CTCFL: variants seen among roughly 807,000 people sequenced by gnomAD.
CTCFL encodes the protein transcriptional repressor CTCFL.
In CTCFL, 36 loss-of-function variants were observed where a neutral mutation model predicts 67.4. The observed-to-expected ratio is 0.53, with a 90% CI of 0.41 to 0.71. The LOEUF is 0.71. Among genes scored for constraint, CTCFL ranks in the 30% least tolerant of loss-of-function variants. The probability of loss-of-function intolerance (pLI) is 0.00; values close to 1 mark genes in which losing one functional copy is unlikely to be tolerated. For synonymous variants in CTCFL, 324 were observed against 302.3 expected, an observed-to-expected ratio of 1.07 and a Z score of -0.75; for missense variants, 786 against 835.2, an observed-to-expected ratio of 0.94 and a Z score of 0.73.
At chr20:57,511,588 TCC>T (rs372278057) in intron 8 of CTCFL, among the ~76,000 whole-genome samples, 1 of 146,098 alleles carries the variant, frequency 6.8e-6, no homozygotes, top group Non-Finnish European at 1.5e-5. Context: ...ATCACTCTAA[TCC>T]CCCCCCTTTT....
chr20:57,507,490 A>G, intron 9 of CTCFL: 1 of 679,222 alleles, frequency 1.5e-6, no homozygotes, highest in Non-Finnish European at 2.7e-6. Flanking sequence ...GAGCCCCCAC[A>G]GCTGGCTGTT....
chr20:57,524,823 C>A, intron 1 of CTCFL: 1 of 906,114 alleles, frequency 1.1e-6, no homozygotes, highest in South Asian at 5.1e-5. Flanking sequence ...TCGGCCAGAC[C>A]AAGCACACTC....
intron 8 of CTCFL, among the ~76,000 whole-genome samples, chr20:57,511,480 T>C (rs2068549163): frequency 6.6e-6 from 1 of 152,202 alleles, no homozygotes; most frequent in Admixed American, 6.5e-5. Flanking sequence ...TGTAACATCA[T>C]GGATTGGTCA....
At position 57,498,387 on chromosome 20, in the gene CTCFL, G is replaced by T. The variant is rs2067758666; in HGVS notation, c.*163C>A. On this transcript the variant is annotated 3_prime_UTR_variant, in exon 11 of 11. Coordinates refer to ENST00000243914, the MANE Select transcript of CTCFL (RefSeq NM_001386993.1). ...TGAACTTAATTGTTTCAAAGAAAATGCTAAAAATTTCTAACTTGCTTTAGG... is the reference window on the plus strand; with the variant it reads ...TGAACTTAATTGTTTCAAAGAAAATTCTAAAAATTTCTAACTTGCTTTAGG... 2.8e-6 allele frequency: 4 copies of T among 1,408,302 alleles called. 1 individual carries two copies. The highest frequency in any genetic ancestry group is 3.7e-6 in the Non-Finnish European group (4 of 1,077,020). 87.2% of individuals were successfully genotyped at this position (1,408,302 alleles called of 1,614,324 possible).
intron 10 of CTCFL, chr20:57,499,740 G>T: frequency 5.6e-6 from 1 of 178,322 alleles, no homozygotes; most frequent in Non-Finnish European, 1.1e-5. Flanking sequence ...CTCGTAAGGA[G>T]TGTGCAGCCT....
intron 5 of CTCFL, 62 bp downstream of exon 5, chr20:57,518,696 G>A (rs1169825641): frequency 3.1e-6 from 5 of 1,613,556 alleles, no homozygotes; most frequent in East Asian, 2.2e-5. Flanking sequence ...TACACTTGGA[G>A]TAACTTGTAC....
chr20:57,514,689 C>A lies in CTCFL; in HGVS notation c.1233G>T (p.Gly411=), dbSNP rs1451461007. Residue 411 remains glycine, a synonymous_variant, in exon 7 of 11, where the codon GGG becomes GGT. Coordinates refer to ENST00000243914, the MANE Select transcript of CTCFL (RefSeq NM_001386993.1). The stretch of plus-strand genomic sequence containing the variant: ...TCTGCAGAATATGTATTTTCATGGT[C>A]CCGCTCTGGGTGAAGCGGGTGTGGC... ...HICHTRFTQS[G]TMKIHILQKH... is the part of the protein sequence containing the mutation. 6.2e-7 allele frequency: 1 copy of A among 1,614,044 alleles called. No individual in the cohort carries two copies. The highest frequency in any genetic ancestry group is 8.5e-7 in the Non-Finnish European group (1 of 1,180,036).
chr20:57,504,147 T>C (rs2068063251), intron 9 of CTCFL, among the ~76,000 whole-genome samples: 2 of 151,740 alleles, frequency 1.3e-5, no homozygotes, highest in Admixed American at 1.3e-4. Flanking sequence ...CGGCTGATTT[T>C]TTATATTTTT....
intron 4 of CTCFL, 143 bp from the exon 5 acceptor site, chr20:57,519,034 G>C (rs1323293468): frequency 4.2e-6 from 5 of 1,177,710 alleles, no homozygotes; most frequent in Non-Finnish European, 5.9e-6. Context: ...TACCACAGAT[G>C]CATGTGAGAA....
chr20:57,514,570 G>C (rs1408341569), intron 7 of CTCFL, 22 bp downstream of exon 7: 3 of 1,613,052 alleles, frequency 1.9e-6, no homozygotes. Flanking sequence ...TGTAGTAAAA[G>C]AAAGATCGCT....
At chr20:57,514,009 C>T (rs779853813) in intron 7 of CTCFL, 9 of 715,928 alleles carry the variant, frequency 1.3e-5, no homozygotes, top group Non-Finnish European at 1.8e-5. Context: ...TGGATTCCCT[C>T]TCCCACTCTG....
chr20:57,522,721 GC>G (rs1317884526), intron 3 of CTCFL, among the ~76,000 whole-genome samples: 3 of 152,050 alleles, frequency 2.0e-5, no homozygotes, highest in Admixed American at 2.0e-4. Context: ...CCTTCTCTTG[GC>G]CCTGAAGCAC....
chr20:57,519,018 T>C, intron 4 of CTCFL, 127 bp from the exon 5 acceptor site: 1 of 1,236,128 alleles, frequency 8.1e-7, no homozygotes, highest in Non-Finnish European at 1.1e-6. Context: ...CTCCTTAAAC[T>C]ATAAATACCA....
intron 10 of CTCFL, among the ~76,000 whole-genome samples, chr20:57,502,319 C>A (rs1047235237): frequency 6.6e-6 from 1 of 152,224 alleles, no homozygotes; most frequent in African/African-American, 2.4e-5. Context: ...GCAGGATGCC[C>A]GCTTCTACCC....
intron 8 of CTCFL, 33 bp from the exon 9 acceptor site, chr20:57,508,821 A>C: frequency 6.3e-7 from 1 of 1,597,810 alleles, no homozygotes; most frequent in Non-Finnish European, 8.6e-7. Flanking sequence ...CAGCTTGTCT[A>C]GTTCAAAGGG....
At position 57,508,709 on chromosome 20, in the gene CTCFL, C is replaced by T. The variant is rs376165241; in HGVS notation, c.1571G>A (p.Arg524Gln). 1.2e-4 allele frequency: 192 copies of T among 1,613,980 alleles called. No homozygotes were observed. The highest frequency in any genetic ancestry group is 5.6e-4 in the East Asian group (25 of 44,898). The part of the protein sequence containing the change: ...FTCLSCNKCF[R>Q]QKQLLNAHFR... ...GTGAGCGTTTAGAAGTTGCTTCTGT[C>T]GGAAACATTTATTGCAAGAAAGGCA... The change falls in exon 9 of 11, where the codon CGA (arginine) becomes CAA (glutamine). Residue 524 changes from arginine (R) to glutamine (Q), a missense_variant. Arg to Gln is a conservative substitution (Grantham distance 43). This residue lies in a region of CTCFL where 199 missense variants were observed against 196.7 expected (regional missense o/e 1.01). Transcript: ENST00000243914.
rs543356942 is a variant in CTCFL at position 57,503,588 on chromosome 20, C to T, written c.1688G>A (p.Arg563Lys). The T allele has an allele frequency of 2.2e-5, 35 of 1,614,112 alleles. No homozygotes were observed. The East Asian group carries it at 7.4e-4, about 34-fold the overall frequency. Residue 563 changes from arginine (R) to lysine (K), a missense_variant, in exon 10 of 11, where the codon AGA (arginine) becomes AAA (lysine). By Grantham distance (26) the Arg-to-Lys change is conservative. Coordinates refer to ENST00000243914, the MANE Select transcript of CTCFL (RefSeq NM_001386993.1). ...KGFSRWINLH[R>K]HSEKCGSGEA... The stretch of plus-strand genomic sequence containing the variant: ...CCCTGATCCACACTTCTCCGAATGT[C>T]TGTGCAGGTTAATCTGTCGGAGAAT...
chr20:57,516,528 C>A (rs1041358796), intron 5 of CTCFL, among the ~76,000 whole-genome samples: 3 of 152,098 alleles, frequency 2.0e-5, no homozygotes, highest in African/African-American at 7.2e-5. Flanking sequence ...CAGAGTCAGA[C>A]CATGTCTCAA....
chr20:57,511,966 CCTTT>C (rs1232085604), intron 8 of CTCFL, among the ~76,000 whole-genome samples: 1 of 152,164 alleles, frequency 6.6e-6, no homozygotes, highest in Non-Finnish European at 1.5e-5. Flanking sequence ...TTATCTTGTT[CCTTT>C]CTTAGTGAAA....
Sources: gnomAD v4.1 joint callset for allele counts (sites outside exome capture counted in the v4.1 genomes callset) on GRCh38, gnomAD v4.1.1 for gene constraint, gnomAD v4.1.1 regional missense constraint, MANE v1.5 for transcripts, NCBI Gene and HGNC (gene_info 2026-07-23, HGNC 2026-07-21) for gene names.